CHODL: variants seen among roughly 807,000 people sequenced by gnomAD.
The protein encoded by CHODL is chondrolectin, also known as transmembrane protein MT75.
In CHODL, 29 loss-of-function variants were observed where a neutral mutation model predicts 34.5. The ratio of observed to expected loss-of-function variants is 0.84; its 90% confidence interval spans 0.63 to 1.15. The LOEUF (loss-of-function observed/expected upper bound fraction) is 1.15, where lower values mean the gene tolerates loss of function less well. Ranked by LOEUF, CHODL falls within the 50% of genes most tolerant of loss-of-function variation. The pLI is 0.00. For missense variants in CHODL, 332 were observed against 332.5 expected (o/e 1.00, Z 0.01); for synonymous variants, 125 against 116.1 (o/e 1.08, Z -0.49).
chr21:18,168,238 C>T (rs2073181994), intron 2 of CHODL, among the ~76,000 whole-genome samples: 1 of 152,126 alleles, frequency 6.6e-6, no homozygotes, highest in Non-Finnish European at 1.5e-5. Flanking sequence ...TGGGACTTCA[C>T]CTTGTGATCG....
chr21:17,995,868 C>T (rs1254462842), intron 1 of CHODL, among the ~76,000 whole-genome samples: 2 of 152,186 alleles, frequency 1.3e-5, no homozygotes, highest in Admixed American at 6.5e-5. Context: ...AGCCCCAAAT[C>T]TCATTTACTT....
rs1427078860 is a variant in CHODL, at chr21:18,003,089, ACTC to A, written c.-144-24781_-144-24779del. On this transcript the variant is annotated intron_variant, in intron 1 of 6. Coordinates refer to the CHODL transcript ENST00000400127. Reference sequence around the variant, plus strand: ...CAGTGAGCCGAGATCGCGCCACTGCACTCCAGCCTGGGCGACAGCGAGACTCCG... The same window carrying A: ...CAGTGAGCCGAGATCGCGCCACTGCACAGCCTGGGCGACAGCGAGACTCCG... 4.8e-5 allele frequency among the ~76,000 whole-genome samples: 7 copies of A among 147,236 alleles called. No homozygotes were observed. In the South Asian group the frequency reaches 1.5e-3, roughly 32 times the overall value.
At chr21:18,150,859 G>A (rs1004658336) in intron 2 of CHODL, among the ~76,000 whole-genome samples, 2 of 152,022 alleles carry the variant, frequency 1.3e-5, no homozygotes, top group African/African-American at 2.4e-5. Flanking sequence ...GCCGAGGCGG[G>A]TGGATCATGA....
intron 2 of CHODL, among the ~76,000 whole-genome samples, chr21:18,073,902 A>G (rs2064834386): frequency 6.6e-6 from 1 of 152,132 alleles, no homozygotes; most frequent in Admixed American, 6.6e-5. Flanking sequence ...AATAAAATAA[A>G]CTTTATTTTT....
chr21:18,091,675 T>A (rs2065075630), intron 2 of CHODL, among the ~76,000 whole-genome samples: 1 of 152,146 alleles, frequency 6.6e-6, no homozygotes. Context: ...AGGCCTAGAC[T>A]CGTGGACAAC....
At chr21:18,012,508 A>G (rs549886562) in intron 1 of CHODL, among the ~76,000 whole-genome samples, 29 of 152,212 alleles carry the variant, frequency 1.9e-4, no homozygotes, top group Non-Finnish European at 3.4e-4. Flanking sequence ...ATAGAAGTAT[A>G]AAATAACTGG....
intron 1 of CHODL, among the ~76,000 whole-genome samples, chr21:17,948,685 A>G (rs573020891): frequency 5.9e-5 from 9 of 152,148 alleles, no homozygotes; most frequent in African/African-American, 9.7e-5. Flanking sequence ...GACACATACA[A>G]TCTATCAAGA....
At chr21:18,137,644 A>G (rs913438513) in intron 2 of CHODL, among the ~76,000 whole-genome samples, 1 of 148,130 alleles carries the variant, frequency 6.8e-6, no homozygotes, top group Non-Finnish European at 1.5e-5. Flanking sequence ...ACTTTCTTAA[A>G]CAAAATTGTC....
chr21:18,115,935 G>A (rs1042647878), intron 2 of CHODL, among the ~76,000 whole-genome samples: 2 of 151,946 alleles, frequency 1.3e-5, no homozygotes, highest in Non-Finnish European at 2.9e-5. Context: ...CAGTGGACAC[G>A]TTCAGTGGCA....
At chr21:18,046,531 A>G (rs568612783) in intron 2 of CHODL, among the ~76,000 whole-genome samples, 1 of 152,066 alleles carries the variant, frequency 6.6e-6, no homozygotes, top group Admixed American at 6.6e-5. Flanking sequence ...TTGTAGAGCA[A>G]ACAAGTAGGT....
chr21:18,214,781 C>G (rs945422137), intron 2 of CHODL, among the ~76,000 whole-genome samples: 1 of 152,044 alleles, frequency 6.6e-6, no homozygotes. Context: ...AACATTTGAA[C>G]TGAGCCAGAA....
chr21:17,990,221 G>GTA (rs1568833202), intron 1 of CHODL, among the ~76,000 whole-genome samples: 1 of 151,918 alleles, frequency 6.6e-6, no homozygotes, highest in Non-Finnish European at 1.5e-5. Flanking sequence ...TGTTCTATCT[G>GTA]TATATATATC....
Position 18,064,363 on chromosome 21 carries a change from A to C in CHODL, c.-45+36392A>C, listed in dbSNP as rs80264892. Among the ~76,000 whole-genome samples, 1,619 of 152,316 alleles carry C rather than the reference A, an allele frequency of 0.011. 90 individuals carry two copies. In the East Asian group the frequency reaches 0.15, roughly 14 times the overall value. ...AGTGCCTTATACTGTGCCCTACACA[A>C]ACCTATGTACTTAATATTTTTTGCT... On this transcript the variant is annotated intron_variant, in intron 2 of 6. Coordinates refer to the CHODL transcript ENST00000400127.
chr21:17,943,656 G>A (rs960404469), intron 1 of CHODL, among the ~76,000 whole-genome samples: 1 of 152,200 alleles, frequency 6.6e-6, no homozygotes. Flanking sequence ...TGAGACACCA[G>A]CGTGCTATGT....
At chr21:18,028,253 CTTTTCTTTTTCT>C (rs1336188197) in intron 2 of CHODL, among the ~76,000 whole-genome samples, 4 of 67,604 alleles carry the variant, frequency 5.9e-5, no homozygotes, top group African/African-American at 2.2e-4. Flanking sequence ...TCCCCTTTTC[CTTTTCTTTTTCT>C]TTTTCCTTTT....
intron 2 of CHODL, among the ~76,000 whole-genome samples, chr21:18,169,173 T>G (rs879664572): frequency 5.3e-5 from 8 of 152,190 alleles, no homozygotes; most frequent in Non-Finnish European, 8.8e-5. Flanking sequence ...AAAAATTTTT[T>G]GATTACTAAT....
intron 2 of CHODL, among the ~76,000 whole-genome samples, chr21:18,128,296 C>CAAA (rs71189585): frequency 7.1e-5 from 2 of 28,056 alleles, no homozygotes; most frequent in Non-Finnish European, 1.2e-4. Flanking sequence ...GCAAGAGTCT[C>CAAA]AAAAAAAAAA....
At chr21:18,063,529 A>C (rs1317833761) in intron 2 of CHODL, among the ~76,000 whole-genome samples, 2 of 152,218 alleles carry the variant, frequency 1.3e-5, no homozygotes, top group African/African-American at 4.8e-5. Context: ...TGGGGTACAA[A>C]TAGGTGTGTT....
intron 1 of CHODL, among the ~76,000 whole-genome samples, chr21:17,985,500 G>A (rs1224237485): frequency 1.3e-5 from 2 of 152,200 alleles, no homozygotes; most frequent in African/African-American, 4.8e-5. Context: ...CATTTATACA[G>A]CAAGAGAGGA....
Sources: gnomAD v4.1 joint callset for allele counts (sites outside exome capture counted in the v4.1 genomes callset) on GRCh38, gnomAD v4.1.1 for gene constraint, MANE v1.5 for transcripts, NCBI Gene and HGNC (gene_info 2026-07-23, HGNC 2026-07-21) for gene names.